SLC2A9: variants seen among roughly 807,000 people sequenced by gnomAD.
SLC2A9 encodes the protein solute carrier family 2 member 9.
SLC2A9 carries 39 observed loss-of-function variants against 50.6 expected under a neutral mutation model. That is an observed-to-expected ratio of 0.77 (90% CI 0.60 to 1.01). The LOEUF is 1.01. SLC2A9 is among the 50% of genes least tolerant of loss of function. The pLI, the probability that SLC2A9 is intolerant of heterozygous loss-of-function variation, is 0.00. For synonymous variants in SLC2A9, 324 were observed against 276.9 expected (o/e 1.17, Z -1.69); for missense variants, 686 against 677.6 (o/e 1.01, Z -0.14).
At chr4:9,778,053 T>TTTCTTTCC (rs1286016339), downstream of SLC2A9, among the ~76,000 whole-genome samples, 1 of 14,052 alleles carries the variant, frequency 7.1e-5, no homozygotes, top group Admixed American at 5.8e-4. Flanking sequence ...TCTTTCTTTC[T>TTTCTTTCC]TTCCTTCCTT....
chr4:10,011,794 T>C (rs765964943), intron 2 of SLC2A9, among the ~76,000 whole-genome samples: 1 of 152,180 alleles, frequency 6.6e-6, no homozygotes, highest in African/African-American at 2.4e-5. Flanking sequence ...GAAAGGAGAT[T>C]AGAAAGCAAA....
chr4:9,926,547 G>A (rs1278240080), intron 6 of SLC2A9, among the ~76,000 whole-genome samples: 2 of 151,868 alleles, frequency 1.3e-5, no homozygotes, highest in East Asian at 3.9e-4. Flanking sequence ...TGAGCAAGGA[G>A]CATTATGAAT....
Position 9,986,985 on chromosome 4 carries a change from GATAGAC to G in SLC2A9, c.411-1198_411-1193del, listed in dbSNP as rs552137086. Among the ~76,000 whole-genome samples, 551 of 152,260 alleles carry G rather than the reference GATAGAC, an allele frequency of 3.6e-3. 5 individuals carry two copies. Among genetic ancestry groups the G allele is most frequent in the African/African-American group, 0.012 (496 of 41,542 alleles). On this transcript the variant is annotated intron_variant, in intron 3 of 11. Coordinates refer to ENST00000264784, the MANE Select transcript of SLC2A9 (RefSeq NM_020041.3). ...CACATTTATTGAACTCTTGCTATAGGATAGACCCTGCTTTAAGTACTTTGCATTAGT... is the reference window on the plus strand; with the variant it reads ...CACATTTATTGAACTCTTGCTATAGGCCTGCTTTAAGTACTTTGCATTAGT...
At chr4:9,847,181 T>C (rs144585872) in intron 10 of SLC2A9, among the ~76,000 whole-genome samples, 1,597 of 152,332 alleles carry the variant, frequency 0.01, 36 homozygotes, top group African/African-American at 0.036. Flanking sequence ...GACTGGGTAA[T>C]TTATGAAGAA....
At chr4:9,960,994 T>C (rs891316716) in intron 5 of SLC2A9, among the ~76,000 whole-genome samples, 17 of 152,168 alleles carry the variant, frequency 1.1e-4, no homozygotes, top group Non-Finnish European at 1.8e-4. Context: ...ACATATAGTG[T>C]CTCTTTTAAT....
chr4:10,030,287 T>A (rs1038141749), intron 1 of SLC2A9, among the ~76,000 whole-genome samples: 1 of 152,216 alleles, frequency 6.6e-6, no homozygotes, highest in African/African-American at 2.4e-5. Flanking sequence ...CTATGTTGCA[T>A]CTATATACCA....
At chr4:9,942,491 A>G (rs887543517) in intron 5 of SLC2A9, among the ~76,000 whole-genome samples, 3 of 152,188 alleles carry the variant, frequency 2.0e-5, no homozygotes, top group African/African-American at 7.2e-5. Flanking sequence ...CGCCCACGAC[A>G]TTCAACCATC....
chr4:9,988,429 G>A (rs1276722710), intron 3 of SLC2A9, among the ~76,000 whole-genome samples: 1 of 152,242 alleles, frequency 6.6e-6, no homozygotes, highest in Admixed American at 6.5e-5. Context: ...GCAAACGGGA[G>A]TGCACACTCT....
chr4:9,891,939 A>G (rs1437801499), intron 8 of SLC2A9, among the ~76,000 whole-genome samples: 1 of 152,184 alleles, frequency 6.6e-6, no homozygotes, highest in Non-Finnish European at 1.5e-5. Flanking sequence ...GCTTCAGGTG[A>G]CAGTGCGAAG....
At chr4:9,798,122 G>T (rs1267238746), downstream of SLC2A9, among the ~76,000 whole-genome samples, 1 of 152,184 alleles carries the variant, frequency 6.6e-6, no homozygotes, top group Non-Finnish European at 1.5e-5. Flanking sequence ...GTCAGGATGG[G>T]TCTGGTGCAA....
At chr4:9,819,296 C>G (rs1724076142) in intron 3 of SLC2A9, among the ~76,000 whole-genome samples, 1 of 152,104 alleles carries the variant, frequency 6.6e-6, no homozygotes, top group South Asian at 2.1e-4. Flanking sequence ...TCATTCCCAC[C>G]AGCCATCTAT....
intron 3 of SLC2A9, among the ~76,000 whole-genome samples, chr4:9,989,111 T>G (rs1027498953): frequency 6.6e-6 from 1 of 152,210 alleles, no homozygotes; most frequent in Non-Finnish European, 1.5e-5. Context: ...ACCCTCCTCG[T>G]GTTCATCCGT....
At chr4:9,773,311 G>T (rs1717093141) in intron 1 of SLC2A9, among the ~76,000 whole-genome samples, 1 of 152,160 alleles carries the variant, frequency 6.6e-6, no homozygotes, top group South Asian at 2.1e-4. Flanking sequence ...CACATTGGCA[G>T]GGCTGGTGGC....
chr4:9,978,843 T>A (rs115449404), intron 5 of SLC2A9, among the ~76,000 whole-genome samples: 2 of 152,322 alleles, frequency 1.3e-5, no homozygotes, highest in African/African-American at 4.8e-5. Context: ...ACTTATAATA[T>A]CACAGAAAAG....
At chr4:9,858,273 G>A (rs13116446) in intron 10 of SLC2A9, among the ~76,000 whole-genome samples, 63,717 of 152,012 alleles carry the variant, frequency 0.42, 15,714 homozygotes, top group Non-Finnish European at 0.56. Flanking sequence ...GGACTTTGGC[G>A]GTAGCTTGAT....
At chr4:9,908,024 G>C (rs998272902) in intron 8 of SLC2A9, among the ~76,000 whole-genome samples, 6 of 152,120 alleles carry the variant, frequency 3.9e-5, no homozygotes, top group Admixed American at 3.9e-4. Flanking sequence ...TGAGGTTTTG[G>C]GTCAATAGCC....
rs749461102 is a variant in SLC2A9, at chr4:9,834,902, C to A, written c.1398G>T (p.Gly466=). 2.5e-6 allele frequency: 4 copies of A among 1,614,104 alleles called. No homozygotes were observed. The highest frequency in any genetic ancestry group is 8.5e-7 in the Non-Finnish European group (1 of 1,180,022). ...TVNWLSNFAV[G]LLFPFIQKSL... ...ATACCTGAATGAATGGGAAGAGGAG[C>A]CCAACAGCAAAGTTGGAGAGCCAGT... Residue 466 remains glycine, a synonymous_variant, in exon 11 of 12, where the codon GGG becomes GGT. Coordinates refer to ENST00000264784, the MANE Select transcript of SLC2A9 (RefSeq NM_020041.3).
chr4:9,802,152 C>A (rs960083858), intron 3 of SLC2A9, among the ~76,000 whole-genome samples: 1 of 152,088 alleles, frequency 6.6e-6, no homozygotes, highest in Non-Finnish European at 1.5e-5. Flanking sequence ...TACTCGGTAC[C>A]GAACCTTTTA....
rs1475059756 is a variant in SLC2A9, at chr4:9,941,930, T to C, written c.797A>G (p.Glu266Gly). ...PRYLLLEKHNEARAVKAFQTF... is the reference protein window; with the variant it reads ...PRYLLLEKHNGARAVKAFQTF... ...GCCCTCACCTTTCACAGCTCTTGCC[T>C]CGTTGTGCTTCTCCAAGAGCAGGTA... Residue 266 changes from glutamate to glycine, a missense_variant, in exon 6 of 12, where the codon GAG becomes GGG. Coordinates refer to ENST00000264784, the MANE Select transcript of SLC2A9 (RefSeq NM_020041.3). The C allele has an allele frequency of 6.2e-7, 1 of 1,614,110 alleles. No homozygotes were observed. The highest frequency in any genetic ancestry group is 2.2e-5 in the East Asian group (1 of 44,876).
Sources: allele counts gnomAD v4.1 joint callset (sites outside exome capture counted in the v4.1 genomes callset), GRCh38; gene constraint gnomAD v4.1.1; transcripts MANE v1.5; gene names NCBI Gene and HGNC (gene_info 2026-07-23, HGNC 2026-07-21).